Variants in CMIP observed in about 807,000 individuals in gnomAD.
CMIP encodes C-Maf-inducing protein.
CMIP carries 13 observed loss-of-function variants against 97.3 expected under a neutral mutation model. The ratio of observed to expected loss-of-function variants is 0.13; its 90% CI spans 0.09 to 0.21. The LOEUF is 0.21. Ranked by LOEUF, CMIP falls within the 10% of genes least tolerant of loss-of-function variation. The pLI, the probability that CMIP is intolerant of heterozygous loss-of-function variation, is 1.00. For missense variants in CMIP, 847 were observed against 1,024.9 expected, an observed-to-expected ratio of 0.83 and a Z score of 2.37; for synonymous variants, 538 against 436.3, an observed-to-expected ratio of 1.23 and a Z score of -2.91.
At position 81,453,292 on chromosome 16, in the gene CMIP, G is replaced by A. The variant is rs963061243; in HGVS notation, c.300+7751G>A. Among the ~76,000 whole-genome samples the A allele has an allele frequency of 6.6e-6, 1 of 152,232 alleles. No individual in the cohort carries two copies. The highest frequency in any genetic ancestry group is 6.5e-5 in the Admixed American group (1 of 15,286). Reference sequence around the variant, plus strand: ...GCGAACTCTTTTTGGAGGGAAGCACGTGGTCTGGATCGTCTGGTCCCTGGT... The same window carrying A: ...GCGAACTCTTTTTGGAGGGAAGCACATGGTCTGGATCGTCTGGTCCCTGGT... On this transcript the variant is annotated intron_variant, in intron 1 of 20. Transcript: ENST00000537098. The surrounding 1 kb of genome is among the most constrained non-coding windows in gnomAD (Gnocchi z 4.0).
At position 81,672,887 on chromosome 16, in the gene CMIP, G is replaced by A. The variant is rs914096546; in HGVS notation, c.1034+817G>A. Among the ~76,000 whole-genome samples, 7 of 152,302 alleles carry A rather than the reference G, an allele frequency of 4.6e-5. No individual in the cohort carries two copies. In the East Asian group the frequency reaches 5.8e-4, roughly 13 times the overall value. ...GCCATTGCATCTGTTTTTCTTGAGCGCCTGCTGTGTGCTTGACACAATTTC... is the reference window on the plus strand; with the variant it reads ...GCCATTGCATCTGTTTTTCTTGAGCACCTGCTGTGTGCTTGACACAATTTC... On this transcript the variant is annotated intron_variant, in intron 9 of 20. Coordinates refer to ENST00000537098, the MANE Select transcript of CMIP (RefSeq NM_198390.3).
chr16:81,670,536 C>G (rs546594048), intron 8 of CMIP, among the ~76,000 whole-genome samples: 6 of 151,552 alleles, frequency 4.0e-5, no homozygotes, highest in African/African-American at 1.2e-4. Context: ...TGAACAATCA[C>G]CCCATAAACA....
At chr16:81,690,329 A>T (rs183733265) in intron 10 of CMIP, among the ~76,000 whole-genome samples, 3 of 152,046 alleles carry the variant, frequency 2.0e-5, no homozygotes, top group African/African-American at 4.8e-5. Context: ...CTTTTATTTC[A>T]TTGAGCAGTG....
chr16:81,700,227 G>A (rs1023830765), intron 15 of CMIP, among the ~76,000 whole-genome samples: 1 of 152,086 alleles, frequency 6.6e-6, no homozygotes, highest in Non-Finnish European at 1.5e-5. Context: ...AGAGGCCTCA[G>A]ACAATGAGGG....
At chr16:81,628,056 G>C (rs1357552565) in intron 3 of CMIP, among the ~76,000 whole-genome samples, 4 of 152,120 alleles carry the variant, frequency 2.6e-5, no homozygotes, top group African/African-American at 9.7e-5. Flanking sequence ...ATGACACAGA[G>C]CCCTTGAGCT....
chr16:81,677,199 G>C (rs1270893691), intron 9 of CMIP, among the ~76,000 whole-genome samples: 1 of 152,124 alleles, frequency 6.6e-6, no homozygotes, highest in South Asian at 2.1e-4. Flanking sequence ...TCCTGGAGGA[G>C]GGGACCTGCA....
intron 1 of CMIP, among the ~76,000 whole-genome samples, chr16:81,546,446 T>G (rs1048117850): frequency 6.6e-6 from 1 of 152,176 alleles, no homozygotes; most frequent in African/African-American, 2.4e-5. Context: ...TTCCTTTTCA[T>G]GACAGTTTTC....
At chr16:81,463,759 G>A (rs1442351253) in intron 1 of CMIP, 1 of 152,306 alleles carries the variant, frequency 6.6e-6, no homozygotes, top group East Asian at 1.9e-4. Context: ...CATGGCTGTG[G>A]GTTGTGGAGC....
intron 1 of CMIP, among the ~76,000 whole-genome samples, chr16:81,574,930 G>C (rs954308530): frequency 2.0e-5 from 3 of 152,222 alleles, no homozygotes; most frequent in Admixed American, 6.5e-5. Flanking sequence ...TGCTGGAAGA[G>C]CATTTGCATA....
chr16:81,580,563 A>G (rs990886971), intron 1 of CMIP, among the ~76,000 whole-genome samples: 8 of 151,692 alleles, frequency 5.3e-5, no homozygotes, highest in Non-Finnish European at 8.8e-5. Context: ...CCTCCCAAGT[A>G]GCTGGGACTA....
chr16:81,478,119 C>G (rs12598310), intron 1 of CMIP, among the ~76,000 whole-genome samples: 25,766 of 152,260 alleles, frequency 0.17, 2,776 homozygotes, highest in Non-Finnish European at 0.24. Flanking sequence ...CCCTTCCCCC[C>G]CACCCCAGAA....
chr16:81,559,749 G>A (rs903978913), intron 1 of CMIP, among the ~76,000 whole-genome samples: 1 of 152,074 alleles, frequency 6.6e-6, no homozygotes, highest in African/African-American at 2.4e-5. Context: ...TTGTGCATTC[G>A]CTCTACTGTA....
chr16:81,633,349 T>C (rs2092190609), intron 3 of CMIP, among the ~76,000 whole-genome samples: 1 of 152,196 alleles, frequency 6.6e-6, no homozygotes, highest in African/African-American at 2.4e-5. Context: ...CCTGCCATTC[T>C]TTTGTTGGCC....
rs544743197 is a variant in CMIP at position 81,703,968 on chromosome 16, C to A, written c.1974C>A (p.Ser658=). The A allele has an allele frequency of 6.3e-7, 1 of 1,596,326 alleles. No individual in the cohort carries two copies. ...TDADLARLLS[S]GSFGNLENLS... is the part of the protein sequence containing the mutation. ...CTGACTTGGCTCGTTTGCTGAGCTCCGGCTCCTTCGGAAACCTGGAGAACC... is the reference window on the plus strand; with the variant it reads ...CTGACTTGGCTCGTTTGCTGAGCTCAGGCTCCTTCGGAAACCTGGAGAACC... The change falls in exon 18 of 21, where the codon TCC becomes TCA. Residue 658 remains serine, a synonymous_variant. Coordinates refer to ENST00000537098, the MANE Select transcript of CMIP (RefSeq NM_198390.3).
At chr16:81,450,863 C>T (rs148218818) in intron 1 of CMIP, among the ~76,000 whole-genome samples, 404 of 152,368 alleles carry the variant, frequency 2.7e-3, no homozygotes, top group African/African-American at 9.3e-3. Flanking sequence ...GACGTCCACA[C>T]AGCCCCTAGT....
chr16:81,463,665 C>T (rs1907026838), intron 1 of CMIP, among the ~76,000 whole-genome samples: 1 of 152,206 alleles, frequency 6.6e-6, no homozygotes, highest in Admixed American at 6.5e-5. Context: ...ATGTGCCAGG[C>T]ACTTATTCAG....
At chr16:81,509,345 G>T (rs970163524) in intron 1 of CMIP, among the ~76,000 whole-genome samples, 2 of 152,220 alleles carry the variant, frequency 1.3e-5, no homozygotes, top group Non-Finnish European at 2.9e-5. Context: ...ACAGTTCCCT[G>T]CCTGTGTGTG....
intron 1 of CMIP, among the ~76,000 whole-genome samples, chr16:81,598,102 A>C (rs576426920): frequency 6.6e-6 from 1 of 152,228 alleles, no homozygotes; most frequent in East Asian, 1.9e-4. Context: ...AATCCTGACC[A>C]CAAGGCTGGC....
rs183477835 is a variant in CMIP, at chr16:81,535,227, G to A, written c.301-72340G>A. On this transcript the variant is annotated intron_variant, in intron 1 of 20. Transcript: ENST00000537098. ...AACCTCCCAAAGTGCTGGCATTACA[G>A]GTGTGAGCCACCACGTGGCCCATAA... is the stretch of plus-strand genomic sequence containing the variant. Among the ~76,000 whole-genome samples the A allele has an allele frequency of 2.5e-3, 375 of 152,302 alleles. 2 individuals carry two copies. Among genetic ancestry groups the A allele is most frequent in the Middle Eastern group, 0.01 (3 of 294 alleles).
Sources: gnomAD v4.1 joint callset for allele counts (sites outside exome capture counted in the v4.1 genomes callset) on GRCh38, gnomAD v4.1.1 for gene constraint, Gnocchi (gnomAD v3.1) non-coding constraint, MANE v1.5 for transcripts, NCBI Gene and HGNC (gene_info 2026-07-23, HGNC 2026-07-21) for gene names.